The following LRRTM4 variants were observed in gnomAD, a reference collection of about 807,000 sequenced individuals.
The protein encoded by LRRTM4 is leucine-rich repeat transmembrane neuronal protein 4.
Under a neutral mutation model 47.6 loss-of-function variants are expected in LRRTM4, and 25 were observed. The observed-to-expected ratio is 0.53, with a 90% CI of 0.38 to 0.73. The LOEUF is 0.73. Ranked by LOEUF, LRRTM4 falls within the 30% of genes least tolerant of loss-of-function variation. The pLI is 0.00. For synonymous variants in LRRTM4, 311 were observed against 269.5 expected (o/e 1.15, Z -1.51); for missense variants, 638 against 713.4 (o/e 0.89, Z 1.20).
intron 3 of LRRTM4, among the ~76,000 whole-genome samples, chr2:77,013,357 G>A (rs941081294): frequency 1.3e-5 from 2 of 152,158 alleles, no homozygotes; most frequent in Non-Finnish European, 2.9e-5. Flanking sequence ...CCCTCAGCTC[G>A]CAGGCAATAG....
intron 3 of LRRTM4, among the ~76,000 whole-genome samples, chr2:77,454,350 T>C (rs1016436554): frequency 2.0e-5 from 3 of 152,218 alleles, no homozygotes; most frequent in African/African-American, 7.2e-5. Context: ...TTTTACCCAA[T>C]CATTTAAAGC....
chr2:77,012,296 T>A (rs560723061), intron 3 of LRRTM4, among the ~76,000 whole-genome samples: 7 of 147,196 alleles, frequency 4.8e-5, no homozygotes, highest in African/African-American at 1.5e-4. Context: ...AGAATAATCA[T>A]TTTTTTTTGG....
At chr2:77,008,147 T>TA (rs1677729382) in intron 3 of LRRTM4, among the ~76,000 whole-genome samples, 1 of 152,122 alleles carries the variant, frequency 6.6e-6, no homozygotes, top group Non-Finnish European at 1.5e-5. Flanking sequence ...AGAGAATAAG[T>TA]AAAAACTTCA....
At chr2:77,074,011 T>C (rs1052558115) in intron 3 of LRRTM4, among the ~76,000 whole-genome samples, 4 of 152,150 alleles carry the variant, frequency 2.6e-5, no homozygotes, top group Non-Finnish European at 5.9e-5. Context: ...TAACATATTG[T>C]GTACATTTAT....
intron 3 of LRRTM4, among the ~76,000 whole-genome samples, chr2:76,992,051 T>C (rs1677027200): frequency 6.6e-6 from 1 of 151,810 alleles, no homozygotes; most frequent in Non-Finnish European, 1.5e-5. Flanking sequence ...CTCATCTCAA[T>C]AGACATGGAA....
At chr2:76,815,218 C>G (rs1001869803) in intron 3 of LRRTM4, among the ~76,000 whole-genome samples, 3 of 152,152 alleles carry the variant, frequency 2.0e-5, no homozygotes, top group Non-Finnish European at 2.9e-5. Flanking sequence ...GATGGGCCCA[C>G]TGAAACTTAG....
chr2:76,812,133 CTGAA>C (rs1336068803), intron 3 of LRRTM4, among the ~76,000 whole-genome samples: 1 of 152,008 alleles, frequency 6.6e-6, no homozygotes, highest in African/African-American at 2.4e-5. Context: ...TATAGGGTAA[CTGAA>C]TAATAAACAC....
chr2:77,468,714 A>T (rs1181561426), intron 3 of LRRTM4, among the ~76,000 whole-genome samples: 1 of 152,132 alleles, frequency 6.6e-6, no homozygotes, highest in Non-Finnish European at 1.5e-5. Flanking sequence ...TCTAGAGGGC[A>T]TCACATACTA....
intron 3 of LRRTM4, among the ~76,000 whole-genome samples, chr2:77,451,063 G>A (rs1676235968): frequency 6.6e-6 from 1 of 151,978 alleles, no homozygotes; most frequent in African/African-American, 2.4e-5. Context: ...AATTCCCTTG[G>A]AGAGTATCAT....
intron 3 of LRRTM4, among the ~76,000 whole-genome samples, chr2:77,017,088 C>T (rs1678097859): frequency 6.6e-6 from 1 of 152,110 alleles, no homozygotes; most frequent in Non-Finnish European, 1.5e-5. Context: ...TGGTTGCAGG[C>T]ACTTTGCTCA....
At chr2:77,367,206 T>C (rs756564297) in intron 3 of LRRTM4, among the ~76,000 whole-genome samples, 1 of 151,782 alleles carries the variant, frequency 6.6e-6, no homozygotes, top group East Asian at 2.0e-4. Context: ...AGTTTTCCTA[T>C]CCTCCTAACC....
chr2:76,956,805 T>C (rs1039163113), intron 3 of LRRTM4, among the ~76,000 whole-genome samples: 12 of 151,376 alleles, frequency 7.9e-5, no homozygotes, highest in Non-Finnish European at 1.6e-4. Flanking sequence ...AAGAGATTAC[T>C]ATGAAAAATT....
At chr2:77,093,802 C>T (rs1404567772) in intron 3 of LRRTM4, among the ~76,000 whole-genome samples, 1 of 151,796 alleles carries the variant, frequency 6.6e-6, no homozygotes, top group Non-Finnish European at 1.5e-5. Context: ...TGACATTCCA[C>T]CACAAAAGAA....
intron 3 of LRRTM4, among the ~76,000 whole-genome samples, chr2:77,040,366 C>G (rs1333895999): frequency 6.6e-6 from 1 of 151,226 alleles, no homozygotes; most frequent in African/African-American, 2.4e-5. Context: ...ATAAACAGCT[C>G]TTGTTTAATC....
At chr2:77,007,939 A>G (rs1434374698) in intron 3 of LRRTM4, among the ~76,000 whole-genome samples, 2 of 152,176 alleles carry the variant, frequency 1.3e-5, no homozygotes, top group African/African-American at 2.4e-5. Context: ...TGTTCCTTCA[A>G]TGAATTGAGT....
In LRRTM4 at chr2:76,981,017, A is replaced by T. The variant is rs560786647; in HGVS notation, c.1552-232101T>A. On this transcript the variant is annotated intron_variant, in intron 3 of 3. Transcript: ENST00000409884. ...ATTTCCTTGGGGCAAAGTTGTAATGACTTGATTAATGTAGTTATCAGATGC... is the reference window on the plus strand; with the variant it reads ...ATTTCCTTGGGGCAAAGTTGTAATGTCTTGATTAATGTAGTTATCAGATGC... Among the ~76,000 whole-genome samples the T allele has an allele frequency of 2.6e-5, 4 of 152,188 alleles. No individual in the cohort carries two copies. In the South Asian group the frequency reaches 6.2e-4, roughly 24 times the overall value.
At chr2:77,248,174 C>T (rs1675499405) in intron 3 of LRRTM4, among the ~76,000 whole-genome samples, 1 of 150,906 alleles carries the variant, frequency 6.6e-6, no homozygotes, top group Non-Finnish European at 1.5e-5. Flanking sequence ...TATATATATG[C>T]ATTCATGTTT....
chr2:77,104,059 A>G (rs1671030149), intron 3 of LRRTM4, among the ~76,000 whole-genome samples: 1 of 152,130 alleles, frequency 6.6e-6, no homozygotes, highest in African/African-American at 2.4e-5. Context: ...CTTTATTTCT[A>G]TTTTTCAAAC....
chr2:77,347,414 T>C (rs1361210478), intron 3 of LRRTM4, among the ~76,000 whole-genome samples: 1 of 152,084 alleles, frequency 6.6e-6, no homozygotes, highest in African/African-American at 2.4e-5. Context: ...ATATTTGGAG[T>C]ACTATTGGAC....
Sources: allele counts gnomAD v4.1 joint callset (sites outside exome capture counted in the v4.1 genomes callset), GRCh38; gene constraint gnomAD v4.1.1; transcripts MANE v1.5; gene names NCBI Gene and HGNC (gene_info 2026-07-23, HGNC 2026-07-21).